Variants in ZNF496 observed in about 807,000 individuals in gnomAD.
ZNF496 encodes the protein NSD1 (nuclear receptor binding SET-domain containing 1)-interacting zinc finger protein 1.
Under a neutral mutation model 58.9 loss-of-function variants are expected in ZNF496, and 11 were observed. That is an observed-to-expected ratio of 0.19 (90% CI 0.12 to 0.31). ZNF496 has a LOEUF of 0.31. ZNF496 is among the 10% of genes least tolerant of loss of function. The pLI is 1.00. For missense variants in ZNF496, 660 were observed against 783.0 expected (o/e 0.84, Z 1.88); for synonymous variants, 338 against 318.2 (o/e 1.06, Z -0.66).
chr1:247,312,359 C>G (rs1448666767), intron 6 of ZNF496: 1 of 152,202 alleles, frequency 6.6e-6, no homozygotes, highest in Non-Finnish European at 1.5e-5. Context: ...TCATTTCCAT[C>G]TGGGACCTCA....
intron 5 of ZNF496, among the ~76,000 whole-genome samples, chr1:247,326,145 CATATATAT>C (rs71568611): frequency 6.8e-6 from 1 of 146,488 alleles, no homozygotes; most frequent in African/African-American, 2.5e-5. Flanking sequence ...TATATACACA[CATATATAT>C]ATATATATAT....
Position 247,309,799 on chromosome 1 carries a change from T to C in ZNF496, c.792A>G (p.Leu264=). 1 of 1,614,112 alleles carries C rather than the reference T, an allele frequency of 6.2e-7. No homozygotes were observed. Among genetic ancestry groups the C allele is most frequent in the Non-Finnish European group, 8.5e-7 (1 of 1,180,012 alleles). The part of the protein sequence containing the change: ...DYGVSMPPND[L]AAQPDLSQGE... ...CCTGGGAGAGATCTGGCTGGGCAGC[T>C]AGGTCGTCTGTTCAAAGAAAAAGGC... Residue 264 remains leucine, a synonymous_variant, in exon 8 of 10, where the codon CTA becomes CTG. Coordinates refer to ENST00000682384, the MANE Select transcript of ZNF496 (RefSeq NM_032752.3). This position sits in a 1 kb window ranked among gnomAD's most constrained non-coding sequence, Gnocchi z 4.3.
At chr1:247,327,003 A>T (rs996547389) in intron 5 of ZNF496, among the ~76,000 whole-genome samples, 1 of 152,136 alleles carries the variant, frequency 6.6e-6, no homozygotes, top group Non-Finnish European at 1.5e-5. Flanking sequence ...CCGGATATTC[A>T]TGGGTTTTTA....
chr1:247,312,883 C>A (rs1406976861), intron 6 of ZNF496: 2 of 152,126 alleles, frequency 1.3e-5, no homozygotes, highest in Non-Finnish European at 2.9e-5. Flanking sequence ...AGAGTAGCAC[C>A]CAAAATGTTC....
At chr1:247,328,400 C>A (rs947923762) in intron 5 of ZNF496, among the ~76,000 whole-genome samples, 1 of 152,190 alleles carries the variant, frequency 6.6e-6, no homozygotes, top group Non-Finnish European at 1.5e-5. Context: ...TGCAGAGATG[C>A]ACCCTCGAAG....
chr1:247,303,642 G>A lies in ZNF496; in HGVS notation c.1007-2366C>T, dbSNP rs573563902. Among the ~76,000 whole-genome samples, 9 of 152,292 alleles carry A rather than the reference G, an allele frequency of 5.9e-5. No homozygotes were observed. The South Asian group carries it at 1.7e-3, about 28-fold the overall frequency. On this transcript the variant is annotated intron_variant, in intron 9 of 9. Transcript: ENST00000682384. ...TGTGGAAACAGAAATTGTAAGTAAG[G>A]AACTCGGATACTGAGCTGAGGAGGT...
At chr1:247,324,698 C>A (rs773037256) in intron 5 of ZNF496, among the ~76,000 whole-genome samples, 1 of 151,908 alleles carries the variant, frequency 6.6e-6, no homozygotes, top group Non-Finnish European at 1.5e-5. Context: ...GTATAGATAT[C>A]AAAACATTAC....
rs141911513 is a variant in ZNF496 at position 247,321,822 on chromosome 1, G to C, written c.651+1332C>G. On this transcript the variant is annotated intron_variant, in intron 6 of 9. Transcript: ENST00000682384. ...TACTGGTTTTACCTCCTTTGTGTTT[G>C]GAAATGGTCACAGTACACAGCAGAT... 2.3e-3 allele frequency among the ~76,000 whole-genome samples: 354 copies of C among 152,356 alleles called. 4 individuals are homozygous for C. The highest frequency in any genetic ancestry group is 8.3e-3 in the African/African-American group (347 of 41,576).
intron 6 of ZNF496, among the ~76,000 whole-genome samples, chr1:247,318,388 G>A (rs1659852969): frequency 6.6e-6 from 1 of 152,170 alleles, no homozygotes; most frequent in Non-Finnish European, 1.5e-5. Flanking sequence ...AAGAAGCTGA[G>A]CAAACTCTAA....
chr1:247,308,508 G>A lies in ZNF496; in HGVS notation c.973C>T (p.Pro325Ser). ...ELQVPEFQAC[P>S]QTVVPQNTYP... is the part of the protein sequence containing the mutation. ...GTGTTTTGAGGCACCACCGTCTGTG[G>A]GCAGGCCTGGAACTCTGGCACCTGC... is the stretch of plus-strand genomic sequence containing the variant. The change falls in exon 9 of 10, where the codon CCA (proline) becomes TCA (serine). Residue 325 changes from proline to serine, a missense_variant. Physicochemically the swap from Pro to Ser is moderately conservative, Grantham distance 74. Coordinates refer to ENST00000682384, the MANE Select transcript of ZNF496 (RefSeq NM_032752.3). This position sits in a 1 kb window ranked among gnomAD's most constrained non-coding sequence, Gnocchi z 4.5. The A allele has an allele frequency of 1.2e-6, 2 of 1,614,074 alleles. No homozygotes were observed. The highest frequency in any genetic ancestry group is 1.3e-5 in the African/African-American group (1 of 75,006).
chr1:247,331,229 G>C (rs902333444), intron 2 of ZNF496, among the ~76,000 whole-genome samples: 1 of 152,256 alleles, frequency 6.6e-6, no homozygotes, highest in African/African-American at 2.4e-5. Flanking sequence ...GATGCCTGAT[G>C]AATGAACTAA....
At chr1:247,315,444 G>C (rs185984087) in intron 6 of ZNF496, among the ~76,000 whole-genome samples, 2 of 152,334 alleles carry the variant, frequency 1.3e-5, no homozygotes, top group East Asian at 3.9e-4. Context: ...AGTGTTAAGA[G>C]ATGGGACAAC....
At chr1:247,326,081 C>T (rs200510274) in intron 5 of ZNF496, among the ~76,000 whole-genome samples, 2 of 149,626 alleles carry the variant, frequency 1.3e-5, no homozygotes, top group East Asian at 3.9e-4. Flanking sequence ...CACACACACA[C>T]ACATATATAC....
chr1:247,323,108 A>G lies in ZNF496; in HGVS notation c.651+46T>C, dbSNP rs781394230. On this transcript the variant is annotated intron_variant, in intron 6 of 9. Transcript: ENST00000682384. ...CTAAGAAAGCTGCCCTGTAGCCTAC[A>G]GAGGCAAACAGGGGATTTTCAAGGA... 9 of 1,518,734 alleles carry G rather than the reference A, an allele frequency of 5.9e-6. No individual in the cohort carries two copies. In the South Asian group the frequency reaches 1.0e-4, roughly 17 times the overall value. 94.1% of individuals were successfully genotyped at this position (1,518,734 alleles called of 1,614,324 possible).
In ZNF496 at chr1:247,309,550, A is replaced by G; in HGVS notation, c.892+149T>C. ...ATTCTTTCTATGAAAAGTCAGGGAC[A>G]AGGCAAGACATGCAAGACCCACATA... is the stretch of plus-strand genomic sequence containing the variant. On this transcript the variant is annotated intron_variant, in intron 8 of 9. Coordinates refer to ENST00000682384, the MANE Select transcript of ZNF496 (RefSeq NM_032752.3). This position sits in a 1 kb window ranked among gnomAD's most constrained non-coding sequence, Gnocchi z 4.3. 1 of 1,429,984 alleles carries G rather than the reference A, an allele frequency of 7.0e-7. No individual in the cohort carries two copies. The highest frequency in any genetic ancestry group is 9.1e-7 in the Non-Finnish European group (1 of 1,094,180). The allele number at this position is 1,429,984 out of a possible 1,614,324, so 88.6% of individuals were successfully genotyped here. A position where few individuals can be genotyped will look rare whatever the true frequency, so the allele number is the denominator to read the frequency against.
chr1:247,307,771 T>G (rs1659462898), intron 9 of ZNF496: 2 of 985,400 alleles, frequency 2.0e-6, no homozygotes, highest in South Asian at 9.4e-5. Flanking sequence ...TGCAGAAAAC[T>G]ACAATGACAC....
intron 9 of ZNF496, among the ~76,000 whole-genome samples, chr1:247,306,053 AG>A (rs1659397820): frequency 6.6e-6 from 1 of 152,258 alleles, no homozygotes; most frequent in Non-Finnish European, 1.5e-5. Flanking sequence ...ACGTGGGTTC[AG>A]GTAAGAATCA....
At chr1:247,330,802 G>A (rs1357041340) in intron 2 of ZNF496, among the ~76,000 whole-genome samples, 1 of 152,252 alleles carries the variant, frequency 6.6e-6, no homozygotes, top group Non-Finnish European at 1.5e-5. Flanking sequence ...AGGTGGGAAG[G>A]GGGACTCGGG....
At position 247,329,395 on chromosome 1, in the gene ZNF496, G is replaced by A. The variant is rs1420226023; in HGVS notation, c.184C>T (p.Arg62Cys). 4.3e-6 allele frequency: 7 copies of A among 1,613,266 alleles called. No individual in the cohort carries two copies. Among genetic ancestry groups the A allele is most frequent in the Non-Finnish European group, 5.1e-6 (6 of 1,179,786 alleles). ...CAGCCCCCGCACAGGTCCCAGAGGCGCTGCAGGGCCTCCCGGGGGCCCGCC... is the reference window on the plus strand; with the variant it reads ...CAGCCCCCGCACAGGTCCCAGAGGCACTGCAGGGCCTCCCGGGGGCCCGCC... ...EAAGPREALQ[R>C]LWDLCGGWLR... is the part of the protein sequence containing the mutation. Residue 62 changes from arginine to cysteine, a missense_variant, in exon 4 of 10, where the codon CGC (arginine) becomes TGC (cysteine). Arg to Cys is a radical substitution (Grantham distance 180). Coordinates refer to ENST00000682384, the MANE Select transcript of ZNF496 (RefSeq NM_032752.3). The surrounding 1 kb of genome is among the most constrained non-coding windows in gnomAD (Gnocchi z 5.5).
Sources: gnomAD v4.1 joint callset for allele counts (sites outside exome capture counted in the v4.1 genomes callset) on GRCh38, gnomAD v4.1.1 for gene constraint, Gnocchi (gnomAD v3.1) non-coding constraint, MANE v1.5 for transcripts, NCBI Gene and HGNC (gene_info 2026-07-23, HGNC 2026-07-21) for gene names.